The following DCC variants were observed in gnomAD, a reference collection of about 807,000 sequenced individuals.
DCC encodes the protein DCC netrin 1 receptor.
In DCC, 58 loss-of-function variants were observed where a neutral mutation model predicts 172.5. That is an observed-to-expected ratio of 0.34 (90% CI 0.27 to 0.42). The LOEUF is 0.42. Ranked by LOEUF, DCC falls within the 10% of genes least tolerant of loss-of-function variation. The pLI is 1.00. For missense variants in DCC, 1,740 were observed against 1,791.0 expected (o/e 0.97, Z 0.51); for synonymous variants, 709 against 644.5 (o/e 1.10, Z -1.52).
intron 2 of DCC, among the ~76,000 whole-genome samples, chr18:52,894,988 C>G (rs536292647): frequency 3.9e-5 from 6 of 152,090 alleles, no homozygotes; most frequent in Non-Finnish European, 7.3e-5. Flanking sequence ...AGTCACCACA[C>G]TGACTGACTG....
chr18:52,383,829 A>G (rs1985686261), intron 1 of DCC, among the ~76,000 whole-genome samples: 1 of 152,004 alleles, frequency 6.6e-6, no homozygotes. Context: ...ACGGGCTTCT[A>G]TACATTTACC....
intron 21 of DCC, among the ~76,000 whole-genome samples, chr18:53,426,985 G>A (rs531256544): frequency 2.0e-5 from 3 of 152,144 alleles, no homozygotes; most frequent in South Asian, 2.1e-4. Context: ...TCTTCTTCCC[G>A]GGATGCTTGG....
At chr18:52,611,374 T>C (rs2034274175) in intron 1 of DCC, among the ~76,000 whole-genome samples, 1 of 152,220 alleles carries the variant, frequency 6.6e-6, no homozygotes, top group African/African-American at 2.4e-5. Flanking sequence ...TATAGTTTTG[T>C]ACCTAATTTT....
At chr18:53,386,581 G>C (rs1433782662) in intron 16 of DCC, among the ~76,000 whole-genome samples, 1 of 152,148 alleles carries the variant, frequency 6.6e-6, no homozygotes, top group Non-Finnish European at 1.5e-5. Context: ...AAGATGACAA[G>C]GAAGAGCTGG....
At chr18:52,920,035 A>AT (rs1555681808) in intron 3 of DCC, among the ~76,000 whole-genome samples, 4 of 151,748 alleles carry the variant, frequency 2.6e-5, no homozygotes, top group African/African-American at 9.7e-5. Flanking sequence ...AAAAAAAAAA[A>AT]AAGAATCCAG....
At chr18:52,679,667 A>G (rs1418052209) in intron 1 of DCC, among the ~76,000 whole-genome samples, 2 of 152,178 alleles carry the variant, frequency 1.3e-5, no homozygotes, top group Admixed American at 1.3e-4. Flanking sequence ...ATGACAAAGT[A>G]CCACTTAGCC....
chr18:52,675,507 C>T (rs546409161), intron 1 of DCC, among the ~76,000 whole-genome samples: 2 of 152,284 alleles, frequency 1.3e-5, no homozygotes, highest in East Asian at 3.9e-4. Context: ...ATTGAAGTCT[C>T]ATGCCTCCCT....
chr18:52,788,601 T>G (rs1316623266), intron 2 of DCC, among the ~76,000 whole-genome samples: 3 of 152,232 alleles, frequency 2.0e-5, no homozygotes, highest in Non-Finnish European at 2.9e-5. Flanking sequence ...TGCTTATTTT[T>G]CTTTAATCAA....
At chr18:52,529,975 T>C (rs958732712) in intron 1 of DCC, among the ~76,000 whole-genome samples, 4 of 152,152 alleles carry the variant, frequency 2.6e-5, no homozygotes, top group African/African-American at 7.2e-5. Flanking sequence ...GCAAAGTCTA[T>C]AAAACAAAAA....
intron 8 of DCC, among the ~76,000 whole-genome samples, chr18:53,177,796 G>A (rs1039110448): frequency 2.6e-5 from 4 of 152,100 alleles, no homozygotes; most frequent in African/African-American, 4.8e-5. Context: ...CGGAAAATAC[G>A]GTCTAGTACA....
intron 26 of DCC, among the ~76,000 whole-genome samples, chr18:53,497,161 C>A (rs1598807664): frequency 2.0e-5 from 3 of 152,234 alleles, no homozygotes; most frequent in East Asian, 3.9e-4. Context: ...AAAGGAGGAA[C>A]CTAGAGAAAT....
At chr18:52,498,210 G>C (rs552138931) in intron 1 of DCC, among the ~76,000 whole-genome samples, 1 of 152,268 alleles carries the variant, frequency 6.6e-6, no homozygotes, top group East Asian at 1.9e-4. Flanking sequence ...GACCTAGTTT[G>C]CTGACTCCTA....
intron 2 of DCC, among the ~76,000 whole-genome samples, chr18:52,827,578 T>C (rs181446791): frequency 3.3e-5 from 5 of 152,224 alleles, no homozygotes; most frequent in Non-Finnish European, 7.3e-5. Context: ...GAAAACAATA[T>C]TAAATGAAAA....
In DCC at chr18:52,420,478, C is replaced by G. The variant is rs75338687; in HGVS notation, c.91+79600C>G. Reference sequence around the variant, plus strand: ...AATGAGTGTTAAAAATGCCCATCTCCAGACCTGACTGCACACCTTGGAATG... The same window carrying G: ...AATGAGTGTTAAAAATGCCCATCTCGAGACCTGACTGCACACCTTGGAATG... On this transcript the variant is annotated intron_variant, in intron 1 of 28. Transcript: ENST00000442544. Among the ~76,000 whole-genome samples, 284 of 152,292 alleles carry G rather than the reference C, an allele frequency of 1.9e-3. 6 individuals carry two copies. The East Asian group carries it at 0.045, about 24-fold the overall frequency.
At chr18:52,668,957 G>A (rs1280080483) in intron 1 of DCC, among the ~76,000 whole-genome samples, 1 of 152,176 alleles carries the variant, frequency 6.6e-6, no homozygotes, top group Non-Finnish European at 1.5e-5. Context: ...TCAAGACAGG[G>A]GAATTGTAAT....
intron 2 of DCC, among the ~76,000 whole-genome samples, chr18:52,840,005 T>A (rs2038776435): frequency 6.6e-6 from 1 of 152,158 alleles, no homozygotes; most frequent in African/African-American, 2.4e-5. Flanking sequence ...AGCATAGGAA[T>A]CACCTGCCCT....
Position 52,808,999 on chromosome 18 carries a change from C to T in DCC, c.412+56625C>T, listed in dbSNP as rs186834836. Among the ~76,000 whole-genome samples the T allele has an allele frequency of 9.9e-5, 15 of 152,252 alleles. No individual in the cohort carries two copies. In the East Asian group the frequency reaches 2.3e-3, roughly 24 times the overall value. ...AACCCTAGGTTTATGTCTACAAAAG[C>T]GTATGCCTGGGTAATCCTGGTTTCT... On this transcript the variant is annotated intron_variant, in intron 2 of 28. Coordinates refer to ENST00000442544, the MANE Select transcript of DCC (RefSeq NM_005215.4).
At chr18:52,618,371 C>A (rs2034422391) in intron 1 of DCC, among the ~76,000 whole-genome samples, 1 of 151,968 alleles carries the variant, frequency 6.6e-6, no homozygotes, top group Admixed American at 6.6e-5. Flanking sequence ...CTATATAATC[C>A]CCTCCATGGT....
rs188685480 is a variant in DCC at position 52,780,985 on chromosome 18, C to G, written c.412+28611C>G. Among the ~76,000 whole-genome samples, 114 of 152,072 alleles carry G rather than the reference C, an allele frequency of 7.5e-4. 2 individuals carry two copies. The Middle Eastern group carries it at 0.017, about 23-fold the overall frequency. ...ATGTATGACATTTCTACACAAAAGA[C>G]AGATTAACAAGAAAAAAAGCAGAAC... On this transcript the variant is annotated intron_variant, in intron 2 of 28. Coordinates refer to ENST00000442544, the MANE Select transcript of DCC (RefSeq NM_005215.4).
Sources: gnomAD v4.1 joint callset for allele counts (sites outside exome capture counted in the v4.1 genomes callset) on GRCh38, gnomAD v4.1.1 for gene constraint, MANE v1.5 for transcripts, NCBI Gene and HGNC (gene_info 2026-07-23, HGNC 2026-07-21) for gene names.